The following JPH3 variants were observed in gnomAD, a reference collection of about 807,000 sequenced individuals.
JPH3 encodes junctophilin-3.
A neutral mutation model predicts 59.6 loss-of-function variants in JPH3; 11 were observed. That is an observed-to-expected ratio of 0.18 (90% CI 0.12 to 0.31). JPH3 has a LOEUF of 0.31. Ranked by LOEUF, JPH3 falls within the 10% of genes least tolerant of loss-of-function variation. The pLI is 1.00. For missense variants in JPH3, 1,202 were observed against 1,105.7 expected (o/e 1.09, Z -1.24); for synonymous variants, 673 against 483.6 (o/e 1.39, Z -5.14).
rs1237679115 is a variant in JPH3, at chr16:87,603,536, C to G, written c.382+8C>G. 1 of 1,545,942 alleles carries G rather than the reference C, an allele frequency of 6.5e-7. No homozygotes were observed. Among genetic ancestry groups the G allele is most frequent in the Admixed American group, 2.0e-5 (1 of 50,550 alleles). ...AGACCTACTCGGACGGAGGTAGGTG[C>G]CGCGGGCCGGGCCGGGCCGGGGCGG... On this transcript the variant is annotated splice_region_variant and intron_variant, in intron 1 of 4. Coordinates refer to ENST00000284262, the MANE Select transcript of JPH3 (RefSeq NM_020655.4).
At chr16:87,663,561 G>A (rs1450629620) in intron 2 of JPH3, among the ~76,000 whole-genome samples, 2 of 152,204 alleles carry the variant, frequency 1.3e-5, no homozygotes, top group East Asian at 3.8e-4. Context: ...CCCACCAGAA[G>A]CACTGGGTGA....
At chr16:87,620,399 C>T (rs898716236) in intron 1 of JPH3, among the ~76,000 whole-genome samples, 2 of 138,118 alleles carry the variant, frequency 1.4e-5, no homozygotes, top group Non-Finnish European at 3.1e-5. Context: ...AGCATTTGAG[C>T]CTGGATGGGG....
chr16:87,676,156 G>A lies in JPH3; in HGVS notation c.1161-7986G>A, dbSNP rs139644736. On this transcript the variant is annotated intron_variant, in intron 2 of 4. Transcript: ENST00000284262. ...AGTGTAATTGCTGTCTTCTTAGAAC[G>A]TGTGGCCATGGAAATGTGCTCTTTT... is the stretch of plus-strand genomic sequence containing the variant. 8.3e-3 allele frequency among the ~76,000 whole-genome samples: 1,262 copies of A among 152,338 alleles called. 9 individuals are homozygous for A. The highest frequency in any genetic ancestry group is 0.015 in the Admixed American group (225 of 15,306).
intron 2 of JPH3, among the ~76,000 whole-genome samples, chr16:87,651,100 G>A (rs530636969): frequency 6.6e-6 from 1 of 152,318 alleles, no homozygotes; most frequent in East Asian, 1.9e-4. Context: ...AAATCCTAGG[G>A]CCCATAAGAA....
chr16:87,674,584 G>C (rs185781311), intron 2 of JPH3, among the ~76,000 whole-genome samples: 2 of 152,196 alleles, frequency 1.3e-5, no homozygotes, highest in African/African-American at 4.8e-5. Context: ...GCAAAAATAA[G>C]GTGTGTATGT....
In JPH3 at chr16:87,683,343, C is replaced by T. The variant is rs547159370; in HGVS notation, c.1161-799C>T. Among the ~76,000 whole-genome samples the T allele has an allele frequency of 2.2e-4, 34 of 151,238 alleles. 1 individual carries two copies. The East Asian group carries it at 6.6e-3, about 29-fold the overall frequency. Reference sequence around the variant, plus strand: ...TTTTTGAGATGGAGTCTTGCTCTGTCACCCAGGCTGGAGTGCAATGGCGTG... The same window carrying T: ...TTTTTGAGATGGAGTCTTGCTCTGTTACCCAGGCTGGAGTGCAATGGCGTG... On this transcript the variant is annotated intron_variant, in intron 2 of 4. Transcript: ENST00000284262.
chr16:87,618,266 G>A (rs192482048), intron 1 of JPH3, among the ~76,000 whole-genome samples: 1 of 152,330 alleles, frequency 6.6e-6, no homozygotes, highest in East Asian at 1.9e-4. Context: ...ATGGAGCCTA[G>A]GGGAGCCCCA....
rs377433473 is a variant in JPH3 at position 87,644,403 on chromosome 16, G to A, written c.528G>A (p.Ala176=). The A allele has an allele frequency of 9.6e-5, 154 of 1,612,426 alleles. 1 individual carries two copies. In the Middle Eastern group the frequency reaches 1.8e-3, roughly 19 times the overall value. ...GCAGCGAGCACACCAACGGCACGGC[G>A]CTGCATCCCGACGCCTCTCCGGCGG... The part of the protein sequence containing the change: ...SLRSEHTNGT[A]LHPDASPAVA... Residue 176 remains alanine, a synonymous_variant, in exon 2 of 5, where the codon GCG becomes GCA. Coordinates refer to ENST00000284262, the MANE Select transcript of JPH3 (RefSeq NM_020655.4).
intron 1 of JPH3, among the ~76,000 whole-genome samples, chr16:87,643,081 G>A (rs1003159330): frequency 2.6e-5 from 4 of 152,024 alleles, no homozygotes; most frequent in Admixed American, 6.5e-5. Context: ...CACCCACCGC[G>A]CTTTCTGCAT....
chr16:87,626,536 G>A (rs1374402584), intron 1 of JPH3, among the ~76,000 whole-genome samples: 1 of 152,238 alleles, frequency 6.6e-6, no homozygotes, highest in African/African-American at 2.4e-5. Context: ...TTTTCCCCGA[G>A]GTGCCGGCTC....
chr16:87,697,568 G>C lies in JPH3; in HGVS notation c.*908G>C, dbSNP rs1044714997. On this transcript the variant is annotated 3_prime_UTR_variant, in exon 5 of 5. Transcript: ENST00000284262. ...CGTGTCCCCAGCAGTGAGGGCCCTA[G>C]AGGACGCCTTCTCCCATGGTTACTG... The C allele has an allele frequency of 6.6e-6, 1 of 152,362 alleles. No individual in the cohort carries two copies. Among genetic ancestry groups the C allele is most frequent in the East Asian group, 1.9e-4 (1 of 5,192 alleles). 9.4% of individuals were successfully genotyped at this position (152,362 alleles called of 1,614,324 possible).
intron 1 of JPH3, among the ~76,000 whole-genome samples, chr16:87,637,855 C>G (rs1056841311): frequency 2.0e-5 from 3 of 152,116 alleles, no homozygotes; most frequent in Non-Finnish European, 2.9e-5. Context: ...GACCAGCACC[C>G]CGTGCGGGGG....
chr16:87,634,298 C>G (rs74042222), intron 1 of JPH3, among the ~76,000 whole-genome samples: 3,838 of 152,174 alleles, frequency 0.025, 161 homozygotes, highest in African/African-American at 0.087. Context: ...CCGGGGCATC[C>G]TGGGCAGAGA....
At chr16:87,639,865 A>G (rs1597253718) in intron 1 of JPH3, among the ~76,000 whole-genome samples, 2 of 152,362 alleles carry the variant, frequency 1.3e-5, no homozygotes, top group African/African-American at 4.8e-5. Context: ...AGGCTGAGGA[A>G]TATTCCACTG....
intron 1 of JPH3, among the ~76,000 whole-genome samples, chr16:87,642,404 G>A (rs977091503): frequency 6.6e-6 from 1 of 152,206 alleles, no homozygotes; most frequent in Non-Finnish European, 1.5e-5. Flanking sequence ...GGTCGGGGTG[G>A]CCAGGTCCTC....
intron 2 of JPH3, among the ~76,000 whole-genome samples, chr16:87,649,789 A>C (rs191187561): frequency 0.015 from 1,181 of 80,034 alleles, 18 homozygotes; most frequent in African/African-American, 0.045. Flanking sequence ...GGTGAAGGAG[A>C]CATCTCAAGT....
chr16:87,641,400 C>T (rs563493712), intron 1 of JPH3, among the ~76,000 whole-genome samples: 43 of 152,290 alleles, frequency 2.8e-4, no homozygotes, highest in African/African-American at 8.2e-4. Context: ...GACTTGCCTC[C>T]AGGTTAGCTG....
chr16:87,650,773 G>C (rs2032302709), intron 2 of JPH3, among the ~76,000 whole-genome samples: 1 of 152,202 alleles, frequency 6.6e-6, no homozygotes. Flanking sequence ...AGAGAGGTGA[G>C]GAAGCTGCAG....
chr16:87,641,605 G>C (rs1312422234), intron 1 of JPH3, among the ~76,000 whole-genome samples: 2 of 152,222 alleles, frequency 1.3e-5, no homozygotes, highest in Non-Finnish European at 2.9e-5. Context: ...CACGTTCACA[G>C]GATCCCCAGC....
Sources: allele counts gnomAD v4.1 joint callset (sites outside exome capture counted in the v4.1 genomes callset), GRCh38; gene constraint gnomAD v4.1.1; transcripts MANE v1.5; gene names NCBI Gene and HGNC (gene_info 2026-07-23, HGNC 2026-07-21).